Variants in BMP2K observed in about 807,000 individuals in gnomAD.
BMP2K encodes BMP2 inducible kinase, also known as BMP-2-inducible protein kinase.
Under a neutral mutation model 116.0 loss-of-function variants are expected in BMP2K, and 74 were observed. The ratio of observed to expected loss-of-function variants is 0.64; its 90% CI spans 0.53 to 0.77. The LOEUF (loss-of-function observed/expected upper bound fraction) is 0.77, where lower values mean the gene tolerates loss of function less well. BMP2K is among the 30% of genes least tolerant of loss of function. The probability of loss-of-function intolerance (pLI) is 0.00; values close to 1 mark genes in which losing one functional copy is unlikely to be tolerated. For missense variants in BMP2K, 1,365 were observed against 1,403.6 expected (o/e 0.97, Z 0.44); for synonymous variants, 486 against 502.5 (o/e 0.97, Z 0.44).
At chr4:78,802,202 G>A (rs1168671500) in intron 1 of BMP2K, among the ~76,000 whole-genome samples, 1 of 152,200 alleles carries the variant, frequency 6.6e-6, no homozygotes, top group Non-Finnish European at 1.5e-5. Context: ...TTCACATTGA[G>A]GCTAAAGTGC....
chr4:78,880,701 C>T (rs529317244), intron 14 of BMP2K, among the ~76,000 whole-genome samples: 15 of 152,162 alleles, frequency 9.9e-5, no homozygotes, highest in East Asian at 1.9e-4. Flanking sequence ...GGGTTGAGCA[C>T]GTAAAATTCT....
At position 78,907,412 on chromosome 4, in the gene BMP2K, G is replaced by A. The variant is rs181151839; in HGVS notation, c.2063-3198G>A. On this transcript the variant is annotated intron_variant, in intron 15 of 15. Coordinates refer to ENST00000502613, the MANE Select transcript of BMP2K (RefSeq NM_198892.2). ...AATGTAATAATTTTAAAAAGAAGGC[G>A]AATTTAAATTCACTTCCAAGTGACA... Among the ~76,000 whole-genome samples, 142 of 152,170 alleles carry A rather than the reference G, an allele frequency of 9.3e-4. 3 individuals carry two copies. Among genetic ancestry groups the A allele is most frequent in the African/African-American group, 3.3e-3 (138 of 41,518 alleles).
intron 15 of BMP2K, 51 bp from the exon 16 acceptor site, chr4:78,910,558 AG>A: frequency 1.5e-6 from 2 of 1,357,394 alleles, no homozygotes; most frequent in Non-Finnish European, 2.0e-6. Context: ...TTAGTGCAAG[AG>A]GATTCTGAAA....
At chr4:78,790,322 G>C (rs1045995833) in intron 1 of BMP2K, among the ~76,000 whole-genome samples, 7 of 152,122 alleles carry the variant, frequency 4.6e-5, no homozygotes, top group Admixed American at 6.5e-5. Context: ...ATATTGAAAA[G>C]CAACTAGGAT....
intron 1 of BMP2K, among the ~76,000 whole-genome samples, chr4:78,778,347 G>T (rs545226811): frequency 6.6e-6 from 1 of 152,136 alleles, no homozygotes; most frequent in African/African-American, 2.4e-5. Context: ...AAGTAATAAA[G>T]ATGAATTTCA....
intron 15 of BMP2K, among the ~76,000 whole-genome samples, chr4:78,896,910 AG>A (rs1321081483): frequency 6.6e-6 from 1 of 152,176 alleles, no homozygotes; most frequent in Admixed American, 6.5e-5. Flanking sequence ...ATTTATTGCT[AG>A]ATGGGCCTAC....
intron 15 of BMP2K, among the ~76,000 whole-genome samples, chr4:78,896,551 A>G (rs888592604): frequency 6.6e-6 from 1 of 152,216 alleles, no homozygotes; most frequent in Non-Finnish European, 1.5e-5. Flanking sequence ...AAGCACAAAA[A>G]GTGACTGGCA....
chr4:78,806,194 G>T (rs1728810158), intron 1 of BMP2K, among the ~76,000 whole-genome samples: 1 of 151,730 alleles, frequency 6.6e-6, no homozygotes, highest in Non-Finnish European at 1.5e-5. Flanking sequence ...AAATTTTTAG[G>T]ATAATTTTTT....
chr4:78,888,427 T>C (rs751517944), intron 15 of BMP2K, among the ~76,000 whole-genome samples: 1 of 152,216 alleles, frequency 6.6e-6, no homozygotes, highest in Non-Finnish European at 1.5e-5. Flanking sequence ...CTCAAGAACA[T>C]AGTATTCAAT....
chr4:78,857,927 A>T (rs1212934077), intron 7 of BMP2K, among the ~76,000 whole-genome samples: 1 of 151,994 alleles, frequency 6.6e-6, no homozygotes, highest in Non-Finnish European at 1.5e-5. Context: ...TTTAAGACCA[A>T]ATCATATGTA....
At chr4:78,859,834 A>C in intron 8 of BMP2K, 147 bp downstream of exon 8, 1 of 629,580 alleles carries the variant, frequency 1.6e-6, no homozygotes, top group South Asian at 2.0e-5. Context: ...TGTGTGTTTG[A>C]TATTTGTGGT....
chr4:78,856,208 A>G (rs1273173447), intron 7 of BMP2K, among the ~76,000 whole-genome samples: 1 of 152,072 alleles, frequency 6.6e-6, no homozygotes, highest in African/African-American at 2.4e-5. Flanking sequence ...TTTTAAAGAG[A>G]CAGGGTCTTT....
intron 9 of BMP2K, 123 bp from the exon 10 acceptor site, chr4:78,865,434 T>A: frequency 1.2e-6 from 1 of 855,094 alleles, no homozygotes; most frequent in Non-Finnish European, 1.8e-6. Context: ...AGGAGAAAGA[T>A]GAGGACTAAT....
chr4:78,912,909 C>T lies in BMP2K; in HGVS notation c.*876C>T, dbSNP rs1734734931. The stretch of plus-strand genomic sequence containing the variant: ...TACTTTAGAAACACTTTATGCATGG[C>T]TTCTTGCCCCAAACTTTTATTGTGA... On this transcript the variant is annotated 3_prime_UTR_variant, in exon 16 of 16. Transcript: ENST00000502613. 1 of 152,140 alleles carries T rather than the reference C, an allele frequency of 6.6e-6. No homozygotes were observed. The highest frequency in any genetic ancestry group is 1.5e-5 in the Non-Finnish European group (1 of 68,008). 9.4% of individuals were successfully genotyped at this position (152,140 alleles called of 1,614,324 possible).
At chr4:78,849,955 A>C (rs1391332739) in intron 6 of BMP2K, among the ~76,000 whole-genome samples, 1 of 151,738 alleles carries the variant, frequency 6.6e-6, no homozygotes, top group East Asian at 1.9e-4. Context: ...TGATATGTGG[A>C]GAAAATTTAA....
intron 12 of BMP2K, chr4:78,872,219 T>C (rs1038810148): frequency 2.1e-5 from 5 of 240,668 alleles, no homozygotes. Context: ...TTTCGTCACA[T>C]GTCTCTTTCA....
In BMP2K at chr4:78,833,614, C is replaced by T; in HGVS notation, c.330C>T (p.Gly110=). ...TATCTGGTCACAAAAATATTGTGGGCTATTTGGACTGTGCTGTTAATTCAA... is the reference window on the plus strand; with the variant it reads ...TATCTGGTCACAAAAATATTGTGGGTTATTTGGACTGTGCTGTTAATTCAA... ...KELSGHKNIV[G]YLDCAVNSIS... The change falls in exon 3 of 16, where the codon GGC becomes GGT. Residue 110 remains glycine, a synonymous_variant. Coordinates refer to ENST00000502613, the MANE Select transcript of BMP2K (RefSeq NM_198892.2). 1 of 1,598,484 alleles carries T rather than the reference C, an allele frequency of 6.3e-7. No homozygotes were observed. The highest frequency in any genetic ancestry group is 8.5e-7 in the Non-Finnish European group (1 of 1,175,486).
intron 2 of BMP2K, among the ~76,000 whole-genome samples, chr4:78,829,395 G>GT (rs1161491112): frequency 8.8e-5 from 12 of 136,596 alleles, no homozygotes; most frequent in Non-Finnish European, 1.5e-4. Flanking sequence ...CTTAATTATA[G>GT]TTTTTTGTTT....
chr4:78,827,388 G>A (rs2110001364), intron 2 of BMP2K, among the ~76,000 whole-genome samples: 1 of 152,138 alleles, frequency 6.6e-6, no homozygotes, highest in East Asian at 1.9e-4. Flanking sequence ...CTATGTTCAG[G>A]GTCTTCCTAT....
Sources: allele counts gnomAD v4.1 joint callset (sites outside exome capture counted in the v4.1 genomes callset), GRCh38; gene constraint gnomAD v4.1.1; transcripts MANE v1.5; gene names NCBI Gene and HGNC (gene_info 2026-07-23, HGNC 2026-07-21).